AUTS2: variants seen among roughly 807,000 people sequenced by gnomAD.
AUTS2 encodes the protein activator of transcription and developmental regulator AUTS2, also known as autism susceptibility gene 2 protein.
In AUTS2, 17 loss-of-function variants were observed where a neutral mutation model predicts 112.4. The ratio of observed to expected loss-of-function variants is 0.15; its 90% CI spans 0.10 to 0.23. AUTS2 has a LOEUF of 0.23. Ranked by LOEUF, AUTS2 falls within the 10% of genes least tolerant of loss-of-function variation. The pLI, the probability that AUTS2 is intolerant of heterozygous loss-of-function variation, is 1.00. For missense variants in AUTS2, 1,510 were observed against 1,701.6 expected, an observed-to-expected ratio of 0.89 and a Z score of 1.98; for synonymous variants, 751 against 702.7, an observed-to-expected ratio of 1.07 and a Z score of -1.09.
chr7:69,629,199 G>C (rs549081861), intron 1 of AUTS2, among the ~76,000 whole-genome samples: 3 of 152,306 alleles, frequency 2.0e-5, no homozygotes, highest in African/African-American at 7.2e-5. Context: ...AGGAAACATT[G>C]AGTCTGTAAA....
At chr7:70,491,510 A>ATATACACATAATATATATGT (rs1562990056) in intron 5 of AUTS2, among the ~76,000 whole-genome samples, 8 of 134,308 alleles carry the variant, frequency 6.0e-5, no homozygotes, top group African/African-American at 2.4e-4. Context: ...TATATATGTT[A>ATATACACATAATATATATGT]TATATATACA....
chr7:70,478,643 A>C (rs1426998487), intron 5 of AUTS2, among the ~76,000 whole-genome samples: 1 of 151,954 alleles, frequency 6.6e-6, no homozygotes, highest in Non-Finnish European at 1.5e-5. Flanking sequence ...TTCGTTCAAG[A>C]CCATAACTTC....
chr7:69,733,626 T>G (rs769816674), intron 1 of AUTS2, among the ~76,000 whole-genome samples: 1 of 152,134 alleles, frequency 6.6e-6, no homozygotes, highest in Non-Finnish European at 1.5e-5. Flanking sequence ...TTAAATTTTA[T>G]TTTTTACAAT....
chr7:70,639,133 T>A, intron 5 of AUTS2, among the ~76,000 whole-genome samples: 1 of 152,162 alleles, frequency 6.6e-6, no homozygotes, highest in East Asian at 1.9e-4. Context: ...TATAATGTTT[T>A]ATGCATCTCC....
At chr7:69,907,867 G>T (rs778603237) in intron 2 of AUTS2, among the ~76,000 whole-genome samples, 1 of 152,150 alleles carries the variant, frequency 6.6e-6, no homozygotes, top group Non-Finnish European at 1.5e-5. Context: ...TCTTATGGCT[G>T]CCCCCAGCTG....
In AUTS2 at chr7:69,982,479, C is replaced by G. The variant is rs560318290; in HGVS notation, c.522+82981C>G. On this transcript the variant is annotated intron_variant, in intron 2 of 18. Coordinates refer to ENST00000342771, the MANE Select transcript of AUTS2 (RefSeq NM_015570.4). ...GGCTATCCTGAGGGGGGAAAAAAAA[C>G]GTGGAGTATTTTCCTTGGACCTCTG... Among the ~76,000 whole-genome samples, 320 of 148,714 alleles carry G rather than the reference C, an allele frequency of 2.2e-3. 3 individuals carry two copies. Among genetic ancestry groups the G allele is most frequent in the African/African-American group, 7.8e-3 (313 of 40,044 alleles).
chr7:69,882,927 C>T (rs1794118753), intron 1 of AUTS2, among the ~76,000 whole-genome samples: 1 of 152,132 alleles, frequency 6.6e-6, no homozygotes, highest in Non-Finnish European at 1.5e-5. Context: ...TTAATTGTAT[C>T]AGTCAGGAAG....
At chr7:70,561,869 T>G (rs1046920797) in intron 5 of AUTS2, among the ~76,000 whole-genome samples, 1 of 152,092 alleles carries the variant, frequency 6.6e-6, no homozygotes, top group Middle Eastern at 3.2e-3. Flanking sequence ...CTTGTTCCCT[T>G]CAAATCTTTT....
At chr7:70,601,263 A>T (rs1220247509) in intron 5 of AUTS2, among the ~76,000 whole-genome samples, 1 of 152,156 alleles carries the variant, frequency 6.6e-6, no homozygotes, top group Non-Finnish European at 1.5e-5. Context: ...GCATTTCCCT[A>T]ATGACTAATG....
chr7:70,703,260 T>C (rs1441959902), intron 6 of AUTS2, among the ~76,000 whole-genome samples: 3 of 152,116 alleles, frequency 2.0e-5, no homozygotes, highest in African/African-American at 4.8e-5. Flanking sequence ...TTTGGGAGGC[T>C]GAGGCAGGAG....
chr7:70,454,054 G>A (rs1212593809), intron 5 of AUTS2, among the ~76,000 whole-genome samples: 1 of 152,144 alleles, frequency 6.6e-6, no homozygotes, highest in Non-Finnish European at 1.5e-5. Flanking sequence ...GTCCCCTGTG[G>A]GTTGGCGTTG....
chr7:70,298,925 A>AT (rs754473957), intron 4 of AUTS2, among the ~76,000 whole-genome samples: 5 of 152,226 alleles, frequency 3.3e-5, no homozygotes, highest in Non-Finnish European at 7.3e-5. Context: ...TCACCCTCCC[A>AT]TTTAATGCCA....
intron 1 of AUTS2, among the ~76,000 whole-genome samples, chr7:69,738,979 C>G (rs1358796819): frequency 6.6e-6 from 1 of 151,898 alleles, no homozygotes; most frequent in Non-Finnish European, 1.5e-5. Context: ...CGGTGGTGTC[C>G]CTGGGTGGTT....
intron 2 of AUTS2, among the ~76,000 whole-genome samples, chr7:69,916,692 C>A (rs1191440963): frequency 6.6e-6 from 1 of 152,138 alleles, no homozygotes; most frequent in African/African-American, 2.4e-5. Flanking sequence ...AACTCCTCTT[C>A]CCCTCTTCCC....
At chr7:70,021,220 G>C (rs1800257862) in intron 2 of AUTS2, among the ~76,000 whole-genome samples, 1 of 152,126 alleles carries the variant, frequency 6.6e-6, no homozygotes. Flanking sequence ...GACCTCAGGT[G>C]ATCCGCCCGC....
intron 5 of AUTS2, among the ~76,000 whole-genome samples, chr7:70,642,027 C>T (rs538149896): frequency 6.6e-6 from 1 of 152,266 alleles, no homozygotes; most frequent in African/African-American, 2.4e-5. Flanking sequence ...TGTAATGTGT[C>T]TATTTATGGA....
At chr7:70,191,064 T>C (rs1247811790) in intron 4 of AUTS2, among the ~76,000 whole-genome samples, 2 of 152,124 alleles carry the variant, frequency 1.3e-5, no homozygotes, top group Admixed American at 1.3e-4. Context: ...TAAGTAAATA[T>C]TATTGAAGCC....
chr7:70,310,065 T>C (rs1368969552), intron 4 of AUTS2, among the ~76,000 whole-genome samples: 9 of 152,176 alleles, frequency 5.9e-5, no homozygotes, highest in Non-Finnish European at 1.2e-4. Context: ...GTATCTGCCA[T>C]TGATGGTTTA....
intron 1 of AUTS2, among the ~76,000 whole-genome samples, chr7:69,843,200 A>G (rs1792056521): frequency 1.3e-5 from 2 of 152,292 alleles, no homozygotes; most frequent in South Asian, 2.1e-4. Context: ...AGCTCTTCCA[A>G]TGGACCTGCA....
Sources: allele counts gnomAD v4.1 joint callset (sites outside exome capture counted in the v4.1 genomes callset), GRCh38; gene constraint gnomAD v4.1.1; transcripts MANE v1.5; gene names NCBI Gene and HGNC (gene_info 2026-07-23, HGNC 2026-07-21).